Variants in STK4 observed in about 807,000 individuals in gnomAD.
The protein encoded by STK4 is serine/threonine-protein kinase 4.
In STK4, 30 loss-of-function variants were observed where a neutral mutation model predicts 64.9. That is an observed-to-expected ratio of 0.46 (90% CI 0.35 to 0.63). The LOEUF (loss-of-function observed/expected upper bound fraction) is 0.63, where lower values mean the gene tolerates loss of function less well. Ranked by LOEUF, STK4 falls within the 20% of genes least tolerant of loss-of-function variation. The pLI is 0.01. For synonymous variants in STK4, 177 were observed against 199.0 expected, an observed-to-expected ratio of 0.89 and a Z score of 0.93; for missense variants, 466 against 598.5, an observed-to-expected ratio of 0.78 and a Z score of 2.31.
intron 10 of STK4, among the ~76,000 whole-genome samples, chr20:45,062,146 C>T (rs1194736030): frequency 6.6e-6 from 1 of 152,114 alleles, no homozygotes; most frequent in African/African-American, 2.4e-5. Context: ...TCCCAAAGTG[C>T]TGGGATTACA....
chr20:45,073,773 G>A (rs1417712159), intron 10 of STK4, among the ~76,000 whole-genome samples: 2 of 152,188 alleles, frequency 1.3e-5, no homozygotes, highest in Non-Finnish European at 2.9e-5. Context: ...TGCAGACACA[G>A]GTTGAACACT....
chr20:45,059,775 A>AT (rs1978832941), intron 10 of STK4, among the ~76,000 whole-genome samples: 1 of 152,118 alleles, frequency 6.6e-6, no homozygotes, highest in African/African-American at 2.4e-5. Context: ...AGGACTAGAG[A>AT]ATTTTTTTCA....
chr20:45,019,619 G>A (rs983607990), intron 9 of STK4, among the ~76,000 whole-genome samples: 11 of 152,212 alleles, frequency 7.2e-5, no homozygotes, highest in African/African-American at 2.4e-4. Flanking sequence ...CTTAGCATAG[G>A]AATTCATGCA....
intron 10 of STK4, among the ~76,000 whole-genome samples, chr20:45,053,438 G>A (rs537151634): frequency 1.3e-5 from 2 of 152,232 alleles, no homozygotes; most frequent in Non-Finnish European, 2.9e-5. Flanking sequence ...CTTCTTTAGC[G>A]TTCATTCTTG....
intron 10 of STK4, among the ~76,000 whole-genome samples, chr20:45,040,959 G>A (rs6017471): frequency 0.5 from 76,392 of 151,896 alleles, 19,975 homozygotes; most frequent in African/African-American, 0.61. Flanking sequence ...GAATAATAAT[G>A]CCAGTACTTC....
intron 10 of STK4, among the ~76,000 whole-genome samples, chr20:45,061,877 T>C (rs1442761157): frequency 4.0e-5 from 5 of 125,190 alleles, no homozygotes; most frequent in African/African-American, 2.2e-4. Flanking sequence ...TTCTTCTTTT[T>C]TTTTTTTTTT....
At chr20:45,029,722 G>T (rs544552396) in intron 10 of STK4, among the ~76,000 whole-genome samples, 1 of 152,196 alleles carries the variant, frequency 6.6e-6, no homozygotes, top group African/African-American at 2.4e-5. Context: ...TCTGGGGACA[G>T]CACCCATTGA....
At chr20:44,971,291 G>T (rs897752233) in intron 1 of STK4, among the ~76,000 whole-genome samples, 1 of 152,040 alleles carries the variant, frequency 6.6e-6, no homozygotes, top group Non-Finnish European at 1.5e-5. Flanking sequence ...TTTGATTTTT[G>T]GGACTAGTCA....
At chr20:45,063,372 G>C (rs1979266400) in intron 10 of STK4, among the ~76,000 whole-genome samples, 1 of 151,968 alleles carries the variant, frequency 6.6e-6, no homozygotes, top group South Asian at 2.1e-4. Flanking sequence ...ATGCTTGTTG[G>C]CCACATGTAC....
chr20:44,968,427 G>C (rs1482053114), intron 1 of STK4, among the ~76,000 whole-genome samples: 1 of 152,190 alleles, frequency 6.6e-6, no homozygotes, highest in African/African-American at 2.4e-5. Context: ...GTGAGCCACC[G>C]GGCCCGGCCA....
At chr20:45,020,601 A>G (rs1261199161) in intron 9 of STK4, among the ~76,000 whole-genome samples, 2 of 152,126 alleles carry the variant, frequency 1.3e-5, no homozygotes, top group East Asian at 1.9e-4. Flanking sequence ...AACTTGATTC[A>G]TGATTCTGTA....
At chr20:45,023,608 G>T (rs1030695526) in intron 9 of STK4, among the ~76,000 whole-genome samples, 5 of 152,142 alleles carry the variant, frequency 3.3e-5, no homozygotes, top group Non-Finnish European at 4.4e-5. Context: ...GAGGCACAAA[G>T]ATACTTCAAC....
intron 10 of STK4, among the ~76,000 whole-genome samples, chr20:45,041,438 A>G (rs1282321268): frequency 6.6e-6 from 1 of 152,126 alleles, no homozygotes; most frequent in Non-Finnish European, 1.5e-5. Flanking sequence ...ATTACTCCAT[A>G]GCCATACATA....
chr20:45,053,116 G>C, intron 10 of STK4: 1 of 1,612,758 alleles, frequency 6.2e-7, no homozygotes, highest in Non-Finnish European at 8.5e-7. Flanking sequence ...GTCTGGAAAA[G>C]ACATATGTAT....
intron 10 of STK4, among the ~76,000 whole-genome samples, chr20:45,063,741 C>T (rs1352842315): frequency 6.6e-6 from 1 of 152,014 alleles, no homozygotes; most frequent in Non-Finnish European, 1.5e-5. Flanking sequence ...ACTTTTAAGT[C>T]TTTAATTTAT....
rs141216307 is a variant in STK4 at position 44,997,544 on chromosome 20, G to A, written c.831+238G>A. Among the ~76,000 whole-genome samples the A allele has an allele frequency of 5.3e-3, 800 of 152,280 alleles. 10 individuals are homozygous for A. The highest frequency in any genetic ancestry group is 0.018 in the African/African-American group (747 of 41,548). On this transcript the variant is annotated intron_variant, in intron 7 of 10. Coordinates refer to ENST00000372806, the MANE Select transcript of STK4 (RefSeq NM_006282.5). ...TCTACAAAAAGAATGCAAAAAATTA[G>A]CCAGGTGTGGTGGCGCATGCCTGTA...
intron 9 of STK4, among the ~76,000 whole-genome samples, chr20:45,015,396 G>A (rs1268918945): frequency 6.6e-6 from 1 of 152,184 alleles, no homozygotes; most frequent in Non-Finnish European, 1.5e-5. Context: ...ACAGTAATTA[G>A]GACATAAAGT....
intron 9 of STK4, among the ~76,000 whole-genome samples, chr20:45,019,212 T>A (rs930831343): frequency 6.6e-5 from 10 of 152,316 alleles, no homozygotes; most frequent in African/African-American, 2.2e-4. Context: ...CTCATTTGCC[T>A]CTCACCCCCA....
At chr20:44,991,247 G>T (rs747805769) in intron 5 of STK4, among the ~76,000 whole-genome samples, 1 of 152,184 alleles carries the variant, frequency 6.6e-6, no homozygotes, top group African/African-American at 2.4e-5. Flanking sequence ...TTTCCCTACA[G>T]TTGGATGTTG....
Sources: allele counts gnomAD v4.1 joint callset (sites outside exome capture counted in the v4.1 genomes callset), GRCh38; gene constraint gnomAD v4.1.1; transcripts MANE v1.5; gene names NCBI Gene and HGNC (gene_info 2026-07-23, HGNC 2026-07-21).